The following EPSTI1 variants were observed in gnomAD, a reference collection of about 807,000 sequenced individuals.
EPSTI1 encodes the protein epithelial stromal interaction 1, also known as epithelial-stromal interaction protein 1.
In EPSTI1, 66 loss-of-function variants were observed where a neutral mutation model predicts 49.9. The observed-to-expected ratio is 1.32, with a 90% CI of 1.08 to 1.62. The LOEUF (loss-of-function observed/expected upper bound fraction) is 1.62. EPSTI1 is among the 40% of genes most tolerant of loss of function. EPSTI1 has a pLI of 0.00. For synonymous variants in EPSTI1, 137 were observed against 130.7 expected (o/e 1.05, Z -0.33); for missense variants, 394 against 365.5 (o/e 1.08, Z -0.64).
At chr13:42,968,921 T>TACACACACACACACACACAC (rs71970864) in intron 3 of EPSTI1, among the ~76,000 whole-genome samples, 173 bp downstream of exon 3, 4 of 117,632 alleles carry the variant, frequency 3.4e-5, no homozygotes, top group Admixed American at 8.8e-5. Context: ...AAAAAAAAAA[T>TACACACACACACACACACAC]ACACACACAC....
In EPSTI1 at chr13:42,963,344, T is replaced by C. The variant is rs371811241; in HGVS notation, c.406-6A>G. ...ACAGATTCTTCTCTTTTTAGCTAAA[T>C]TGTATTGAAATTACAGAGAACAAAA... On this transcript the variant is annotated splice_polypyrimidine_tract_variant and splice_region_variant and intron_variant, in intron 4 of 10. Coordinates refer to ENST00000313624, the MANE Select transcript of EPSTI1 (RefSeq NM_033255.5). 21 of 1,603,854 alleles carry C rather than the reference T, an allele frequency of 1.3e-5. No individual in the cohort carries two copies. The African/African-American group carries it at 1.9e-4, about 14-fold the overall frequency.
intron 1 of EPSTI1, among the ~76,000 whole-genome samples, chr13:42,976,222 G>T (rs2039879188): frequency 6.6e-6 from 1 of 152,212 alleles, no homozygotes; most frequent in South Asian, 2.1e-4. Context: ...CTTATGATGG[G>T]CGCAACAGGA....
At position 42,991,975 on chromosome 13, in the gene EPSTI1, C is replaced by G; in HGVS notation, c.188+3G>C. On this transcript the variant is annotated splice_donor_region_variant and intron_variant, in intron 1 of 10. Transcript: ENST00000313624. Reference sequence around the variant, plus strand: ...CCCGAAGCCAGGTTGTTAAAATACTCACCGCCTCTGGCCCGCGTGCACGAC... The same window carrying G: ...CCCGAAGCCAGGTTGTTAAAATACTGACCGCCTCTGGCCCGCGTGCACGAC... 2.5e-6 allele frequency: 4 copies of G among 1,612,622 alleles called. No individual in the cohort carries two copies. Among genetic ancestry groups the G allele is most frequent in the Non-Finnish European group, 3.4e-6 (4 of 1,179,830 alleles).
At position 42,930,825 on chromosome 13, in the gene EPSTI1, AT is replaced by A. The variant is rs559163528; in HGVS notation, c.564-4397del. On this transcript the variant is annotated intron_variant, in intron 6 of 10. Transcript: ENST00000313624. ...CATGAATTGTCAGGTATGTATCCTG[AT>A]TTTCTATTAATTGATAAATATCTAT... Among the ~76,000 whole-genome samples, 18 of 152,336 alleles carry A rather than the reference AT, an allele frequency of 1.2e-4. 1 individual carries two copies. The South Asian group carries it at 2.9e-3, about 25-fold the overall frequency.
At chr13:42,978,576 ATTTCT>A (rs1051394200) in intron 1 of EPSTI1, among the ~76,000 whole-genome samples, 3 of 152,164 alleles carry the variant, frequency 2.0e-5, no homozygotes, top group Admixed American at 2.0e-4. Flanking sequence ...GGACCCCAGG[ATTTCT>A]TTTCATTTCA....
intron 6 of EPSTI1, among the ~76,000 whole-genome samples, chr13:42,948,734 C>T (rs541411527): frequency 1.6e-4 from 24 of 152,284 alleles, no homozygotes; most frequent in Admixed American, 1.4e-3. Context: ...ACCTTGGCCT[C>T]CCAAAGTGCT....
rs2040203955 is a variant in EPSTI1 at position 42,991,998 on chromosome 13, G to T, written c.168C>A (p.Val56=). ...CTCACCGCCTCTGGCCCGCGTGCAC[G>T]ACGCTCTCCCGCGAAGGGCCCTTAG... The part of the protein sequence containing the change: ...AAPKGPSRES[V]VHAGQRRTSA... Residue 56 remains valine (V), a synonymous_variant, in exon 1 of 11, where the codon GTC becomes GTA. Coordinates refer to ENST00000313624, the MANE Select transcript of EPSTI1 (RefSeq NM_033255.5). 2 of 1,613,364 alleles carry T rather than the reference G, an allele frequency of 1.2e-6. No homozygotes were observed. The highest frequency in any genetic ancestry group is 1.7e-6 in the Non-Finnish European group (2 of 1,180,026).
intron 3 of EPSTI1, among the ~76,000 whole-genome samples, chr13:42,967,289 T>TAAAAAAA (rs747737457): frequency 3.5e-5 from 1 of 28,542 alleles, no homozygotes; most frequent in African/African-American, 9.2e-5. Flanking sequence ...AAAAATAAAT[T>TAAAAAAA]AAAAAAAAAA....
chr13:42,911,273 ACGCGCGCACACGTGTG>A (rs2037675300), intron 8 of EPSTI1, among the ~76,000 whole-genome samples: 2 of 94,862 alleles, frequency 2.1e-5, no homozygotes, highest in Admixed American at 1.2e-4. Flanking sequence ...GTGCGCGCGC[ACGCGCGCACACGTGTG>A]TGAGTGTGCA....
chr13:42,926,373 C>T lies in EPSTI1; in HGVS notation c.620G>A (p.Cys207Tyr), dbSNP rs1339878037. The change falls in exon 7 of 11, where the codon TGT (cysteine) becomes TAT (tyrosine). Residue 207 changes from cysteine to tyrosine, a missense_variant. Cys to Tyr is a radical substitution (Grantham distance 194). Transcript: ENST00000313624. ...TTGTGGGCCACAAACAGCACTTTGACAGGCACTTCTGTCTGGCGATTCTGT... is the reference window on the plus strand; with the variant it reads ...TTGTGGGCCACAAACAGCACTTTGATAGGCACTTCTGTCTGGCGATTCTGT... ...LNTESPDRSA[C>Y]QSAVCGPQSS... is the part of the protein sequence containing the mutation. The T allele has an allele frequency of 3.1e-6, 5 of 1,613,474 alleles. No individual in the cohort carries two copies. The East Asian group carries it at 8.9e-5, about 29-fold the overall frequency.
At chr13:42,965,240 G>C (rs11147893) in intron 3 of EPSTI1, among the ~76,000 whole-genome samples, 15,315 of 152,216 alleles carry the variant, frequency 0.1, 1,049 homozygotes, top group East Asian at 0.24. Flanking sequence ...GAAATGGAGA[G>C]AGCCAGATGT....
At chr13:42,928,853 T>G (rs1442999689) in intron 6 of EPSTI1, among the ~76,000 whole-genome samples, 1 of 152,190 alleles carries the variant, frequency 6.6e-6, no homozygotes, top group East Asian at 1.9e-4. Context: ...CCACATCCAG[T>G]ACTAACTTAT....
At chr13:42,900,136 A>G (rs1398939689) in intron 9 of EPSTI1, among the ~76,000 whole-genome samples, 174 bp downstream of exon 9, 1 of 152,224 alleles carries the variant, frequency 6.6e-6, no homozygotes, top group Admixed American at 6.5e-5. Context: ...GTGTACTTAT[A>G]TATGTAGCAG....
At chr13:42,956,508 G>T (rs2039276573) in intron 5 of EPSTI1, among the ~76,000 whole-genome samples, 1 of 152,160 alleles carries the variant, frequency 6.6e-6, no homozygotes. Context: ...AGGCAGGAGG[G>T]GAGTAGGAAA....
At chr13:42,942,136 A>G (rs2038772886) in intron 6 of EPSTI1, among the ~76,000 whole-genome samples, 1 of 152,102 alleles carries the variant, frequency 6.6e-6, no homozygotes. Flanking sequence ...CTTGAATTCA[A>G]TTTGTCTCAT....
At chr13:42,919,213 C>T in intron 7 of EPSTI1, 2 of 1,255,206 alleles carry the variant, frequency 1.6e-6, no homozygotes, top group Non-Finnish European at 2.3e-6. Context: ...AATAAGGTGC[C>T]TTATAAAGGT....
chr13:42,896,325 T>C (rs984406888), intron 9 of EPSTI1, among the ~76,000 whole-genome samples: 18 of 152,188 alleles, frequency 1.2e-4, no homozygotes, highest in African/African-American at 4.3e-4. Flanking sequence ...GATAGAATAG[T>C]ATCCTACTTC....
rs2039906629 is a variant in EPSTI1, at chr13:42,977,738, C to T, written c.189-7068G>A. On this transcript the variant is annotated intron_variant, in intron 1 of 10. Transcript: ENST00000313624. ...ATTCTGTTATTTCCTATCTGTACAA[C>T]TTTGAGCAGATTATTCAGTTTTTCT... 3.9e-5 allele frequency among the ~76,000 whole-genome samples: 6 copies of T among 152,220 alleles called. No individual in the cohort carries two copies. The South Asian group carries it at 8.3e-4, about 21-fold the overall frequency.
intron 4 of EPSTI1, 81 bp downstream of exon 4, chr13:42,963,985 A>C: frequency 8.1e-7 from 1 of 1,232,900 alleles, no homozygotes; most frequent in Non-Finnish European, 1.1e-6. Flanking sequence ...TGGTAAAGTT[A>C]CTGTGTTATT....
Sources: gnomAD v4.1 joint callset for allele counts (sites outside exome capture counted in the v4.1 genomes callset) on GRCh38, gnomAD v4.1.1 for gene constraint, MANE v1.5 for transcripts, NCBI Gene and HGNC (gene_info 2026-07-23, HGNC 2026-07-21) for gene names.